The following ATAD5 variants were observed in gnomAD, a reference collection of about 807,000 sequenced individuals.
The protein encoded by ATAD5 is ATPase family AAA domain containing 5, also known as ATPase family AAA domain-containing protein 5.
A neutral mutation model predicts 176.9 loss-of-function variants in ATAD5; 58 were observed. That is an observed-to-expected ratio of 0.33 (90% CI 0.27 to 0.41). The LOEUF (loss-of-function observed/expected upper bound fraction) is 0.41. Ranked by LOEUF, ATAD5 falls within the 10% of genes least tolerant of loss-of-function variation. The probability of loss-of-function intolerance (pLI) is 1.00; values close to 1 mark genes in which losing one functional copy is unlikely to be tolerated. For missense variants in ATAD5, 1,789 were observed against 2,094.1 expected, an observed-to-expected ratio of 0.85 and a Z score of 2.84; for synonymous variants, 640 against 712.6, an observed-to-expected ratio of 0.90 and a Z score of 1.62.
intron 10 of ATAD5, among the ~76,000 whole-genome samples, chr17:30,861,039 A>G (rs563063351): frequency 5.1e-4 from 78 of 151,816 alleles, no homozygotes; most frequent in African/African-American, 1.9e-3. Context: ...TCCTGACCGC[A>G]TTATTCACCC....
intron 6 of ATAD5, among the ~76,000 whole-genome samples, chr17:30,848,582 A>G (rs1487588807): frequency 6.6e-6 from 1 of 152,100 alleles, no homozygotes; most frequent in Non-Finnish European, 1.5e-5. Context: ...CAAAGTGTGT[A>G]TTTTGGTGAG....
At chr17:30,879,277 C>T (rs566500276) in intron 17 of ATAD5, 146 bp from the exon 18 acceptor site, 21 of 805,080 alleles carry the variant, frequency 2.6e-5, no homozygotes, top group Admixed American at 2.4e-4. Flanking sequence ...TTTGAGGCTG[C>T]AGTGAGCTAT....
rs563633099 is a variant in ATAD5, at chr17:30,846,796, C to T, written c.2450+1880C>T. ...AGTGCGATGGTGTGATATCAGCTCA[C>T]CGCAACCTCCACCTCCCAGGTTCAA... On this transcript the variant is annotated intron_variant, in intron 6 of 22. Transcript: ENST00000321990. Among the ~76,000 whole-genome samples the T allele has an allele frequency of 3.3e-5, 5 of 151,464 alleles. No individual in the cohort carries two copies. In the South Asian group the frequency reaches 1.0e-3, roughly 31 times the overall value.
At chr17:30,876,322 C>T (rs770565587) in intron 14 of ATAD5, 52 bp from the exon 15 acceptor site, 42 of 1,474,616 alleles carry the variant, frequency 2.8e-5, no homozygotes, top group Middle Eastern at 1.8e-4. Flanking sequence ...TGTCTTGCTA[C>T]CTGTATGATT....
At chr17:30,878,480 G>C (rs1014340035) in intron 17 of ATAD5, among the ~76,000 whole-genome samples, 5 of 151,868 alleles carry the variant, frequency 3.3e-5, no homozygotes, top group African/African-American at 1.2e-4. Flanking sequence ...TGTATATTTA[G>C]CTATCATCAG....
Position 30,858,261 on chromosome 17 carries a change from C to T in ATAD5, c.2894C>T (p.Pro965Leu). ...NPEFSLKKYF[P>L]LLLKKQIEHQ... ...GAATTTTCATTGAAAAAATATTTTCCCTTACTCCTAAAAAAACAAATTGAG... is the reference window on the plus strand; with the variant it reads ...GAATTTTCATTGAAAAAATATTTTCTCTTACTCCTAAAAAAACAAATTGAG... Residue 965 changes from proline to leucine, a missense_variant, in exon 9 of 23, where the codon CCC (proline) becomes CTC (leucine). Pro to Leu is a moderately conservative substitution (Grantham distance 98). Transcript: ENST00000321990. The T allele has an allele frequency of 1.9e-6, 3 of 1,591,762 alleles. No homozygotes were observed. Among genetic ancestry groups the T allele is most frequent in the Non-Finnish European group, 2.6e-6 (3 of 1,168,962 alleles).
intron 14 of ATAD5, 58 bp downstream of exon 14, chr17:30,869,704 GTAAT>G: frequency 6.6e-7 from 1 of 1,514,936 alleles, no homozygotes; most frequent in Non-Finnish European, 8.9e-7. Context: ...ATCTAAGAAA[GTAAT>G]GTTAATTATC....
intron 6 of ATAD5, 86 bp downstream of exon 6, chr17:30,845,002 G>C (rs1396134066): frequency 4.4e-5 from 53 of 1,195,738 alleles, no homozygotes; most frequent in Non-Finnish European, 6.1e-5. Context: ...GAAAGCATGT[G>C]AATTATCATT....
intron 14 of ATAD5, among the ~76,000 whole-genome samples, chr17:30,874,878 C>T (rs1038743895): frequency 2.6e-5 from 4 of 151,966 alleles, no homozygotes; most frequent in Non-Finnish European, 2.9e-5. Context: ...ATCTGCCTGC[C>T]TTGGCCCCCC....
chr17:30,885,623 C>CTTTTTTTTTTTT lies in ATAD5; in HGVS notation c.4078-1556_4078-1545dup, dbSNP rs778733612. Reference sequence around the variant, plus strand: ...AGGAAATTTCTTTTATTCCAACTTTCTTTTTTTTTTTTTTTTTTTTTTTTG... The same window carrying CTTTTTTTTTTTT: ...AGGAAATTTCTTTTATTCCAACTTTCTTTTTTTTTTTTTTTTTTTTTTTTTTTTTTTTTTTTG... On this transcript the variant is annotated intron_variant, in intron 18 of 22. Coordinates refer to ENST00000321990, the MANE Select transcript of ATAD5 (RefSeq NM_024857.5). Among the ~76,000 whole-genome samples, 91 of 93,798 alleles carry CTTTTTTTTTTTT rather than the reference C, an allele frequency of 9.7e-4. 2 individuals are homozygous for CTTTTTTTTTTTT. The highest frequency in any genetic ancestry group is 1.1e-3 in the Admixed American group (8 of 7,072). 61.5% of individuals were successfully genotyped at this position (93,798 alleles called of 152,430 possible).
chr17:30,834,017 A>G, intron 1 of ATAD5, 131 bp from the exon 2 acceptor site: 2 of 764,316 alleles, frequency 2.6e-6, no homozygotes, highest in Admixed American at 3.9e-5. Flanking sequence ...TTTCTAATAT[A>G]TCACGTTTTT....
intron 2 of ATAD5, among the ~76,000 whole-genome samples, 165 bp downstream of exon 2, chr17:30,836,213 G>C (rs1166732571): frequency 6.7e-6 from 1 of 149,908 alleles, no homozygotes; most frequent in African/African-American, 2.5e-5. Flanking sequence ...GAGTCTTGCT[G>C]TGTCGCCCAG....
intron 18 of ATAD5, among the ~76,000 whole-genome samples, chr17:30,886,029 T>C (rs1479022235): frequency 6.6e-6 from 1 of 152,168 alleles, no homozygotes; most frequent in Non-Finnish European, 1.5e-5. Flanking sequence ...TATGGTGAAT[T>C]ATACTGACTG....
At chr17:30,854,433 A>C in intron 6 of ATAD5, among the ~76,000 whole-genome samples, 1 of 134,890 alleles carries the variant, frequency 7.4e-6, no homozygotes. Flanking sequence ...GTGAAGTGGC[A>C]TGATCTCGGC....
chr17:30,856,878 T>C (rs1470959977), intron 7 of ATAD5, 77 bp from the exon 8 acceptor site: 12 of 1,325,306 alleles, frequency 9.1e-6, no homozygotes, highest in Non-Finnish European at 1.2e-5. Flanking sequence ...CAACTTTTCA[T>C]GTTTACGTAT....
rs145990641 is a variant in ATAD5 at position 30,835,033 on chromosome 17, C to T, written c.952C>T (p.Arg318Cys). 1.4e-4 allele frequency: 222 copies of T among 1,613,728 alleles called. No homozygotes were observed. Among genetic ancestry groups the T allele is most frequent in the Non-Finnish European group, 1.7e-4 (206 of 1,179,960 alleles). The stretch of plus-strand genomic sequence containing the variant: ...AAACTCCGAAATTTCCCAGCAGGTA[C>T]GCTTTAAGACAGTTACTGTTCTTGC... ...SENSEISQQV[R>C]FKTVTVLAQV... Residue 318 changes from arginine (R) to cysteine (C), a missense_variant, in exon 2 of 23, where the codon CGC becomes TGC. By Grantham distance (180) the Arg-to-Cys change is radical (BLOSUM62 -3). This residue lies in a region of ATAD5 where 696 missense variants were observed against 712.5 expected (regional missense o/e 0.98). Transcript: ENST00000321990.
chr17:30,894,596 G>C lies in ATAD5; in HGVS notation c.5330G>C (p.Ser1777Thr). The change falls in exon 22 of 23, where the codon AGT becomes ACT. Residue 1777 changes from serine to threonine, a missense_variant. Ser to Thr is a moderately conservative substitution (Grantham distance 58, BLOSUM62 1). Coordinates refer to ENST00000321990, the MANE Select transcript of ATAD5 (RefSeq NM_024857.5). ...TGGAAGAGGATATCAGTCATTAAAA[G>C]TGTATTTTCGAGTCGATCTCTTCTC... ...NAWKRISVIK[S>T]VFSSRSLLYV... The C allele has an allele frequency of 4.3e-6, 7 of 1,612,030 alleles. No individual in the cohort carries two copies. The highest frequency in any genetic ancestry group is 5.9e-6 in the Non-Finnish European group (7 of 1,179,444).
intron 18 of ATAD5, among the ~76,000 whole-genome samples, chr17:30,881,629 T>G (rs1909017001): frequency 6.6e-6 from 1 of 151,558 alleles, no homozygotes; most frequent in South Asian, 2.1e-4. Flanking sequence ...ATTGTGTTTC[T>G]TAGCTGGAGG....
intron 12 of ATAD5, 45 bp downstream of exon 12, chr17:30,868,457 AT>A: frequency 7.7e-7 from 1 of 1,306,746 alleles, no homozygotes; most frequent in Non-Finnish European, 1.0e-6. Flanking sequence ...TTCACTGAAC[AT>A]TTTTAGAGTT....
Sources: allele counts gnomAD v4.1 joint callset (sites outside exome capture counted in the v4.1 genomes callset), GRCh38; gene constraint gnomAD v4.1.1; regional missense constraint gnomAD v4.1.1; transcripts MANE v1.5; gene names NCBI Gene and HGNC (gene_info 2026-07-23, HGNC 2026-07-21).